The following YARS1 variants were observed in gnomAD, a reference collection of about 807,000 sequenced individuals.
YARS1 encodes the protein tyrosine--tRNA ligase, cytoplasmic.
Under a neutral mutation model 62.2 loss-of-function variants are expected in YARS1, and 36 were observed. That is an observed-to-expected ratio of 0.58 (90% CI 0.44 to 0.76). The LOEUF is 0.76. YARS1 is among the 30% of genes least tolerant of loss of function. YARS1 has a pLI of 0.00. For missense variants in YARS1, 524 were observed against 639.8 expected (o/e 0.82, Z 1.95); for synonymous variants, 234 against 244.9 (o/e 0.96, Z 0.42).
chr1:32,816,921 G>T, intron 1 of YARS1: 1 of 591,226 alleles, frequency 1.7e-6, no homozygotes, highest in Non-Finnish European at 3.0e-6. Flanking sequence ...CTTAATAGGG[G>T]GGTGGAATGG....
chr1:32,778,788 G>GAGTGCA (rs2148599048), intron 12 of YARS1, among the ~76,000 whole-genome samples: 1 of 148,816 alleles, frequency 6.7e-6, no homozygotes, highest in African/African-American at 2.5e-5. Context: ...GCCCAGGCTG[G>GAGTGCA]AGTGCAATGG....
At chr1:32,813,876 G>A (rs927738205) in intron 1 of YARS1, among the ~76,000 whole-genome samples, 1 of 49,196 alleles carries the variant, frequency 2.0e-5, no homozygotes, top group Non-Finnish European at 4.0e-5. Flanking sequence ...TCCTCTTTTG[G>A]TCTCCTTTAT....
chr1:32,816,566 A>T (rs993176218), intron 1 of YARS1, among the ~76,000 whole-genome samples: 1 of 152,078 alleles, frequency 6.6e-6, no homozygotes, highest in Non-Finnish European at 1.5e-5. Flanking sequence ...AACTTTGCTC[A>T]CTCCACTCCA....
rs1652853505 is a variant in YARS1 at position 32,776,180 on chromosome 1, T to A, written c.1477-89A>T. The A allele has an allele frequency of 8.9e-7, 1 of 1,127,260 alleles. No homozygotes were observed. Among genetic ancestry groups the A allele is most frequent in the Non-Finnish European group, 1.3e-6 (1 of 760,916 alleles). 69.8% of individuals were successfully genotyped at this position (1,127,260 alleles called of 1,614,324 possible). A position where few individuals can be genotyped will look rare whatever the true frequency, so the allele number is the denominator to read the frequency against. ...TTTTGGAGGGGGGGCAGAGTTTTGC[T>A]CTTGTTGCCCAGGCTGGAGTGCAAT... is the stretch of plus-strand genomic sequence containing the variant. On this transcript the variant is annotated intron_variant, in intron 12 of 12. Coordinates refer to ENST00000373477, the MANE Select transcript of YARS1 (RefSeq NM_003680.4). The surrounding 1 kb of genome is among the most constrained non-coding windows in gnomAD (Gnocchi z 4.0).
chr1:32,792,958 ACAAAC>A (rs1653463699), intron 5 of YARS1, among the ~76,000 whole-genome samples: 1 of 151,836 alleles, frequency 6.6e-6, no homozygotes, highest in Non-Finnish European at 1.5e-5. Flanking sequence ...GGCAGGAAAA[ACAAAC>A]CAAAAAGGAA....
chr1:32,789,714 G>A (rs1311258809), intron 6 of YARS1, among the ~76,000 whole-genome samples: 2 of 142,238 alleles, frequency 1.4e-5, no homozygotes, highest in East Asian at 2.1e-4. Flanking sequence ...TCAGCCTCCC[G>A]AGTAGCTGGG....
rs749697240 is a variant in YARS1 at position 32,775,965 on chromosome 1, G to A, written c.*16C>T. Reference sequence around the variant, plus strand: ...ATGACTCAGTGGTGGAAGAAGGGGGGAAGATGCTGGGCTGGCTAGCTAATG... The same window carrying A: ...ATGACTCAGTGGTGGAAGAAGGGGGAAAGATGCTGGGCTGGCTAGCTAATG... On this transcript the variant is annotated 3_prime_UTR_variant, in exon 13 of 13. Transcript: ENST00000373477. 3 of 1,598,144 alleles carry A rather than the reference G, an allele frequency of 1.9e-6. No individual in the cohort carries two copies. Among genetic ancestry groups the A allele is most frequent in the East Asian group, 2.2e-5 (1 of 44,810 alleles).
intron 1 of YARS1, among the ~76,000 whole-genome samples, chr1:32,815,977 C>T (rs895625616): frequency 1.3e-5 from 2 of 151,714 alleles, no homozygotes; most frequent in African/African-American, 4.8e-5. Flanking sequence ...GGCGTGGGGG[C>T]GGTCACCTGT....
rs755747938 is a variant in YARS1, at chr1:32,780,108, T to C, written c.1311A>G (p.Gln437=). The C allele has an allele frequency of 6.2e-7, 1 of 1,614,116 alleles. No individual in the cohort carries two copies. The highest frequency in any genetic ancestry group is 8.5e-7 in the Non-Finnish European group (1 of 1,180,022). Residue 437 remains glutamine (Q), a synonymous_variant, in exon 11 of 13, where the codon CAA becomes CAG. Coordinates refer to ENST00000373477, the MANE Select transcript of YARS1 (RefSeq NM_003680.4). ...ACATAGAAGCACACAGAAGCATGCCTTGGGACTCGACTCCTCTCATCTTCT... is the reference window on the plus strand; with the variant it reads ...ACATAGAAGCACACAGAAGCATGCCCTGGGACTCGACTCCTCTCATCTTCT... ...KPQKMRGVES[Q]GMLLCASIEG...
intron 6 of YARS1, among the ~76,000 whole-genome samples, chr1:32,787,572 C>T (rs12040000): frequency 0.54 from 82,187 of 150,984 alleles, 22,709 homozygotes; most frequent in East Asian, 0.74. Flanking sequence ...TGCAGTGGCG[C>T]CATCTGAGCT....
intron 1 of YARS1, among the ~76,000 whole-genome samples, chr1:32,814,786 T>G (rs1018125643): frequency 3.3e-5 from 5 of 152,260 alleles, no homozygotes; most frequent in Non-Finnish European, 5.9e-5. Flanking sequence ...CTTTAATGAT[T>G]TCTTTTTGTC....
At chr1:32,810,888 G>A (rs1343065414) in intron 2 of YARS1, 23 bp downstream of exon 2, 5 of 1,614,000 alleles carry the variant, frequency 3.1e-6, no homozygotes, top group Non-Finnish European at 4.2e-6. Flanking sequence ...CATTCCCCAA[G>A]GGCTTATAGC....
intron 6 of YARS1, 104 bp from the exon 7 acceptor site, chr1:32,787,179 G>A: frequency 7.3e-7 from 1 of 1,372,206 alleles, no homozygotes; most frequent in Non-Finnish European, 1.0e-6. Context: ...ACCCAGGCTG[G>A]AGTGCAGTGG....
intron 1 of YARS1, 73 bp downstream of exon 1, chr1:32,817,115 G>GT: frequency 6.3e-7 from 1 of 1,585,562 alleles, no homozygotes; most frequent in Non-Finnish European, 8.7e-7. Context: ...TTAGAACCCC[G>GT]TAATGGGGCT....
chr1:32,812,117 C>T (rs1214126339), intron 1 of YARS1, among the ~76,000 whole-genome samples: 2 of 152,156 alleles, frequency 1.3e-5, no homozygotes, highest in Non-Finnish European at 2.9e-5. Context: ...GACCTCCAGG[C>T]TCAACAATCC....
At chr1:32,797,047 T>C (rs1335699221) in intron 5 of YARS1, among the ~76,000 whole-genome samples, 3 of 80,318 alleles carry the variant, frequency 3.7e-5, no homozygotes, top group East Asian at 3.9e-4. Flanking sequence ...TATATATATA[T>C]ATAGTAAGCA....
chr1:32,792,179 T>C lies in YARS1; in HGVS notation c.592-925A>G, dbSNP rs116510150. On this transcript the variant is annotated intron_variant, in intron 5 of 12. Transcript: ENST00000373477. ...CAGAGATTTTGGAGGCTGCACAGTA[T>C]TGGGGAGACAGAGATGGAAGTTTAG... 5.9e-3 allele frequency among the ~76,000 whole-genome samples: 894 copies of C among 152,212 alleles called. 11 individuals carry two copies. The highest frequency in any genetic ancestry group is 0.021 in the African/African-American group (865 of 41,536).
chr1:32,803,871 G>A (rs1291369444), intron 4 of YARS1, among the ~76,000 whole-genome samples: 1 of 152,088 alleles, frequency 6.6e-6, no homozygotes, highest in African/African-American at 2.4e-5. Context: ...GGTTTTCCTA[G>A]GCAGAGGACC....
chr1:32,790,834 C>G (rs1653391622), intron 6 of YARS1: 1 of 324,932 alleles, frequency 3.1e-6, no homozygotes, highest in African/African-American at 2.1e-5. Flanking sequence ...CAAGTATTAC[C>G]CTAGGAATCA....
Sources: allele counts gnomAD v4.1 joint callset (sites outside exome capture counted in the v4.1 genomes callset), GRCh38; gene constraint gnomAD v4.1.1; non-coding constraint Gnocchi (gnomAD v3.1); transcripts MANE v1.5; gene names NCBI Gene and HGNC (gene_info 2026-07-23, HGNC 2026-07-21).